The following SEMA3D variants were observed in gnomAD, a reference collection of about 807,000 sequenced individuals.
SEMA3D encodes semaphorin-3D.
In SEMA3D, 84 loss-of-function variants were observed where a neutral mutation model predicts 100.1. The observed-to-expected ratio is 0.84, with a 90% confidence interval of 0.70 to 1.01. SEMA3D has a LOEUF of 1.01. SEMA3D is among the 50% of genes least tolerant of loss of function. SEMA3D has a pLI of 0.00. For missense variants in SEMA3D, 875 were observed against 934.1 expected, an observed-to-expected ratio of 0.94 and a Z score of 0.82; for synonymous variants, 312 against 320.7, an observed-to-expected ratio of 0.97 and a Z score of 0.29.
chr7:85,231,295 T>C, the SEMA3D span, among the ~76,000 whole-genome samples: 1 of 152,134 alleles, frequency 6.6e-6, no homozygotes, highest in Non-Finnish European at 1.5e-5. Context: ...CAATGACAAA[T>C]TAATCATTAA....
intron 2 of SEMA3D, among the ~76,000 whole-genome samples, chr7:85,131,185 A>C (rs1789715653): frequency 6.6e-6 from 1 of 152,148 alleles, no homozygotes. Context: ...GTACAAGTAC[A>C]GTTTGTAAGG....
At chr7:85,103,165 A>G (rs917640579) in intron 3 of SEMA3D, among the ~76,000 whole-genome samples, 2 of 152,042 alleles carry the variant, frequency 1.3e-5, no homozygotes, top group African/African-American at 2.4e-5. Flanking sequence ...CAAACCAAGC[A>G]AAGTCATTTT....
intron 11 of SEMA3D, among the ~76,000 whole-genome samples, chr7:85,039,286 GAC>G (rs1389305664): frequency 1.3e-5 from 2 of 152,140 alleles, no homozygotes; most frequent in African/African-American, 4.8e-5. Flanking sequence ...TTTTGTTTGA[GAC>G]AGAGTTTTGC....
At chr7:85,232,935 GA>G in the SEMA3D span, among the ~76,000 whole-genome samples, 10 of 152,290 alleles carry the variant, frequency 6.6e-5, no homozygotes, top group South Asian at 1.2e-3. Flanking sequence ...TTTCTGAATG[GA>G]GAGGGAGAGA....
At chr7:85,130,919 G>A (rs1476090614) in intron 2 of SEMA3D, among the ~76,000 whole-genome samples, 5 of 151,940 alleles carry the variant, frequency 3.3e-5, no homozygotes, top group Non-Finnish European at 5.9e-5. Flanking sequence ...TTTGTCCATG[G>A]GCCAGTTACT....
chr7:85,069,124 C>T (rs75696916), intron 6 of SEMA3D, among the ~76,000 whole-genome samples: 1 of 152,038 alleles, frequency 6.6e-6, no homozygotes, highest in South Asian at 2.1e-4. Context: ...TTAGAGAAAT[C>T]CTGCACTTCA....
intron 5 of SEMA3D, among the ~76,000 whole-genome samples, chr7:85,079,122 G>A (rs1476767172): frequency 6.6e-6 from 1 of 152,060 alleles, no homozygotes; most frequent in Non-Finnish European, 1.5e-5. Context: ...ATGATATTGG[G>A]CAAGCCATTT....
intron 1 of SEMA3D, among the ~76,000 whole-genome samples, chr7:85,179,849 G>A (rs1398219731): frequency 6.6e-6 from 1 of 152,032 alleles, no homozygotes. Flanking sequence ...TTTTAGTAGA[G>A]ATGGGGTTTC....
At chr7:85,059,706 T>A (rs1294917015) in intron 8 of SEMA3D, among the ~76,000 whole-genome samples, 3 of 152,184 alleles carry the variant, frequency 2.0e-5, no homozygotes, top group African/African-American at 7.2e-5. Context: ...CTTATAAAGC[T>A]TTCCTCAATC....
the SEMA3D span, among the ~76,000 whole-genome samples, chr7:85,214,539 C>T: frequency 6.6e-6 from 1 of 152,004 alleles, no homozygotes; most frequent in African/African-American, 2.4e-5. Flanking sequence ...TCTTGTTGCC[C>T]AGGCTGGAGT....
At chr7:85,031,788 A>T (rs1790557600) in intron 12 of SEMA3D, among the ~76,000 whole-genome samples, 1 of 152,002 alleles carries the variant, frequency 6.6e-6, no homozygotes, top group Non-Finnish European at 1.5e-5. Context: ...GATCATAAGA[A>T]GTGTTCAGTA....
chr7:85,237,844 C>T, the SEMA3D span, among the ~76,000 whole-genome samples: 1 of 152,070 alleles, frequency 6.6e-6, no homozygotes, highest in Admixed American at 6.6e-5. Context: ...TTGTAAGAAA[C>T]CACAATTCCA....
intron 1 of SEMA3D, among the ~76,000 whole-genome samples, chr7:85,180,933 G>A (rs1791385065): frequency 6.6e-6 from 1 of 152,176 alleles, no homozygotes; most frequent in African/African-American, 2.4e-5. Flanking sequence ...GAAGACAGGT[G>A]TGAAGATTAC....
Position 85,032,160 on chromosome 7 carries a change from A to C in SEMA3D, c.1191+4729T>G, listed in dbSNP as rs570836810. Among the ~76,000 whole-genome samples the C allele has an allele frequency of 3.3e-5, 5 of 152,032 alleles. No individual in the cohort carries two copies. The South Asian group carries it at 1.0e-3, about 31-fold the overall frequency. On this transcript the variant is annotated intron_variant, in intron 12 of 18. Transcript: ENST00000284136. ...GAGGGTGAATTACGTGGTCTTTATC[A>C]TTCACTCCAGTTCTTACATTCTCAA...
At chr7:85,249,736 TA>T in the SEMA3D span, among the ~76,000 whole-genome samples, 7 of 152,182 alleles carry the variant, frequency 4.6e-5, no homozygotes, top group African/African-American at 1.7e-4. Flanking sequence ...GACAAAAATA[TA>T]ATTTTCCCTA....
intron 2 of SEMA3D, among the ~76,000 whole-genome samples, chr7:85,124,627 G>T (rs1305662803): frequency 1.3e-5 from 2 of 152,062 alleles, no homozygotes; most frequent in Non-Finnish European, 2.9e-5. Context: ...TACTTTCATG[G>T]AGGACAGAGA....
At chr7:85,126,480 T>G (rs1299308439) in intron 2 of SEMA3D, among the ~76,000 whole-genome samples, 1 of 150,820 alleles carries the variant, frequency 6.6e-6, no homozygotes, top group East Asian at 2.0e-4. Flanking sequence ...TTTTTTAATT[T>G]TATAAAGAGC....
intron 5 of SEMA3D, among the ~76,000 whole-genome samples, chr7:85,081,027 A>G (rs1249534412): frequency 6.6e-6 from 1 of 152,134 alleles, no homozygotes; most frequent in Non-Finnish European, 1.5e-5. Context: ...ATTATTAACT[A>G]ATTCTTATTG....
intron 7 of SEMA3D, among the ~76,000 whole-genome samples, chr7:85,066,890 GCT>G (rs1554338282): frequency 9.9e-6 from 1 of 100,706 alleles, no homozygotes; most frequent in Non-Finnish European, 1.8e-5. Context: ...GGAAATGTGC[GCT>G]CACACACACA....
Sources: allele counts gnomAD v4.1 joint callset (sites outside exome capture counted in the v4.1 genomes callset), GRCh38; gene constraint gnomAD v4.1.1; transcripts MANE v1.5; gene names NCBI Gene and HGNC (gene_info 2026-07-23, HGNC 2026-07-21).